The following AVEN variants were observed in gnomAD, a reference collection of about 807,000 sequenced individuals.
AVEN encodes cell death regulator Aven.
AVEN carries 41 observed loss-of-function variants against 38.1 expected under a neutral mutation model. The observed-to-expected ratio is 1.08, with a 90% CI of 0.84 to 1.40. AVEN has a LOEUF of 1.40. Among genes scored for constraint, AVEN ranks in the 40% most tolerant of loss-of-function variants. The probability of loss-of-function intolerance (pLI) is 0.00; values close to 1 mark genes in which losing one functional copy is unlikely to be tolerated. For missense variants in AVEN, 605 were observed against 438.8 expected, an observed-to-expected ratio of 1.38 and a Z score of -3.38; for synonymous variants, 206 against 171.8, an observed-to-expected ratio of 1.20 and a Z score of -1.56.
At chr15:33,896,103 G>A (rs1024765520) in intron 2 of AVEN, among the ~76,000 whole-genome samples, 9 of 152,130 alleles carry the variant, frequency 5.9e-5, no homozygotes, top group Admixed American at 5.9e-4. Flanking sequence ...CTGTTTCCAA[G>A]TAACTTAATT....
downstream of AVEN, among the ~76,000 whole-genome samples, chr15:33,861,918 C>T (rs776069016): frequency 6.6e-6 from 1 of 152,076 alleles, no homozygotes; most frequent in Non-Finnish European, 1.5e-5. Context: ...CCACTGTGCC[C>T]AGCCTCATAC....
rs563528137 is a variant in AVEN, at chr15:33,953,004, G to A, written c.445+50028C>T. 3.3e-5 allele frequency among the ~76,000 whole-genome samples: 5 copies of A among 152,142 alleles called. No individual in the cohort carries two copies. The East Asian group carries it at 9.6e-4, about 29-fold the overall frequency. On this transcript the variant is annotated intron_variant, in intron 2 of 5. Transcript: ENST00000306730. ...ATTCTTATACACCAATAACAGACAAGAGAGCCAAATCATGAGTGAACTCCC... is the reference window on the plus strand; with the variant it reads ...ATTCTTATACACCAATAACAGACAAAAGAGCCAAATCATGAGTGAACTCCC...
In AVEN at chr15:33,860,291, A is replaced by G. The variant is rs2080201590; in HGVS notation, n.2730-1197T>C. Among the ~76,000 whole-genome samples the G allele has an allele frequency of 2.6e-5, 4 of 152,142 alleles. No individual in the cohort carries two copies. In the South Asian group the frequency reaches 8.3e-4, roughly 32 times the overall value. On this transcript the variant is annotated intron_variant and non_coding_transcript_variant, in intron 11 of 11. Coordinates refer to the AVEN transcript ENST00000675287. ...GCTAGGAGAAGAGGGAGAGCCTATC[A>G]CACAGACTGAACACAAATAGCTAAG... is the stretch of plus-strand genomic sequence containing the variant.
chr15:33,870,491 A>C (rs1890897616), intron 4 of AVEN, among the ~76,000 whole-genome samples: 1 of 152,110 alleles, frequency 6.6e-6, no homozygotes, highest in Admixed American at 6.5e-5. Flanking sequence ...AAACTGATTT[A>C]CTCTAAAAGC....
intron 2 of AVEN, among the ~76,000 whole-genome samples, chr15:33,886,672 A>T (rs1191446655): frequency 6.6e-6 from 1 of 152,158 alleles, no homozygotes; most frequent in South Asian, 2.1e-4. Context: ...TTCCACCATG[A>T]CTGTAAGTTT....
intron 2 of AVEN, chr15:33,885,521 C>T (rs1046558184): frequency 1.3e-5 from 2 of 152,138 alleles, no homozygotes; most frequent in Admixed American, 6.5e-5. Flanking sequence ...CAAGTCACTA[C>T]GGTGATTATT....
chr15:33,904,694 A>AAAAAAT lies in AVEN; in HGVS notation c.446-28700_446-28699insATTTTT, dbSNP rs1464894437. ...GAGACTGTTTCTTTAAAAAAAAAAA[A>AAAAAAT]ATATATATATATATATATATATACA... On this transcript the variant is annotated intron_variant, in intron 2 of 5. Transcript: ENST00000306730. 1.2e-4 allele frequency among the ~76,000 whole-genome samples: 13 copies of AAAAAAT among 112,760 alleles called. No individual in the cohort carries two copies. The South Asian group carries it at 1.7e-3, about 15-fold the overall frequency. 74.0% of individuals were successfully genotyped at this position (112,760 alleles called of 152,430 possible). A position where few individuals can be genotyped will look rare whatever the true frequency, so the allele number is the denominator to read the frequency against.
rs560594619 is a variant in AVEN, at chr15:33,905,660, C to CA, written c.446-29666dup. ...GAAACATGGCGAAACCCCTTCTCTA[C>CA]AAAAAATACAAAAAATTAGCCAGGA... On this transcript the variant is annotated intron_variant, in intron 2 of 5. Coordinates refer to ENST00000306730, the MANE Select transcript of AVEN (RefSeq NM_020371.3). Among the ~76,000 whole-genome samples the CA allele has an allele frequency of 5.3e-3, 807 of 152,122 alleles. 6 individuals are homozygous for CA. The highest frequency in any genetic ancestry group is 0.019 in the African/African-American group (782 of 41,496).
chr15:33,890,554 T>C (rs879564892), intron 2 of AVEN, among the ~76,000 whole-genome samples: 3 of 152,014 alleles, frequency 2.0e-5, no homozygotes, highest in Non-Finnish European at 2.9e-5. Flanking sequence ...GCCAAAAGTA[T>C]AGGGCAAAAA....
In AVEN at chr15:33,895,979, A is replaced by T. The variant is rs149535862; in HGVS notation, c.446-19984T>A. Among the ~76,000 whole-genome samples the T allele has an allele frequency of 2.6e-3, 396 of 152,338 alleles. 2 individuals carry two copies. Among genetic ancestry groups the T allele is most frequent in the South Asian group, 0.016 (75 of 4,828 alleles). On this transcript the variant is annotated intron_variant, in intron 2 of 5. Transcript: ENST00000306730. The stretch of plus-strand genomic sequence containing the variant: ...GCAGTGGGTAGAGAATTCCTGAGGC[A>T]TTGGGTAGAGAATTCAAAAGGGTCT...
At chr15:33,887,294 C>T (rs1370209539) in intron 2 of AVEN, among the ~76,000 whole-genome samples, 1 of 152,110 alleles carries the variant, frequency 6.6e-6, no homozygotes, top group African/African-American at 2.4e-5. Context: ...AGGGATTGTG[C>T]TCACTAAACC....
chr15:33,992,283 G>C (rs1026305773), intron 2 of AVEN, among the ~76,000 whole-genome samples: 7 of 152,134 alleles, frequency 4.6e-5, no homozygotes, highest in African/African-American at 1.7e-4. Flanking sequence ...CCAGCTACTC[G>C]GGAGGCTGAG....
rs182429613 is a variant in AVEN at position 33,961,475 on chromosome 15, G to A, written c.445+41557C>T. Among the ~76,000 whole-genome samples the A allele has an allele frequency of 6.6e-5, 10 of 152,046 alleles. No homozygotes were observed. The East Asian group carries it at 1.9e-3, about 29-fold the overall frequency. The stretch of plus-strand genomic sequence containing the variant: ...AACTAGTTACAAGATCTGCATCCTT[G>A]GGTGAATGCCAACCTCTGAGATGCT... On this transcript the variant is annotated intron_variant, in intron 2 of 5. Coordinates refer to ENST00000306730, the MANE Select transcript of AVEN (RefSeq NM_020371.3).
At chr15:33,910,047 G>A (rs571002648) in intron 2 of AVEN, among the ~76,000 whole-genome samples, 1 of 151,452 alleles carries the variant, frequency 6.6e-6, no homozygotes, top group African/African-American at 2.4e-5. Context: ...AGAATCACTT[G>A]AACCCGGGAG....
Position 33,867,495 on chromosome 15 carries a change from C to T in AVEN, c.973G>A (p.Val325Ile), listed in dbSNP as rs903021846. 1.3e-6 allele frequency: 2 copies of T among 1,564,042 alleles called. No homozygotes were observed. Among genetic ancestry groups the T allele is most frequent in the African/African-American group, 1.4e-5 (1 of 73,046 alleles). The change falls in exon 5 of 6, where the codon GTT (valine) becomes ATT (isoleucine). Residue 325 changes from valine (V) to isoleucine (I), a missense_variant and splice_region_variant. By Grantham distance (29) the Val-to-Ile change is conservative. Transcript: ENST00000306730. ...ACGGGGAATAAAATGAAAGCCATAC[C>T]TTCTTCCTCTTGGACCACCTCCCCA... ...EDGEVVQEEE[V>I]CAKPSVTEEK... is the part of the protein sequence containing the mutation.
chr15:33,999,884 C>T (rs746504020), intron 2 of AVEN, among the ~76,000 whole-genome samples: 25 of 152,250 alleles, frequency 1.6e-4, no homozygotes, highest in African/African-American at 5.3e-4. Context: ...TCAAACCCTC[C>T]GCTGGTTTTT....
At chr15:33,857,728 C>G, downstream of AVEN, 3 of 1,607,420 alleles carry the variant, frequency 1.9e-6, no homozygotes, top group Non-Finnish European at 2.6e-6. Context: ...GTGAACCTTT[C>G]AAGGTAGAGA....
At chr15:33,857,244 CTGGCAGCA>C (rs1332574668), downstream of AVEN, among the ~76,000 whole-genome samples, 2 of 6,504 alleles carry the variant, frequency 3.1e-4, no homozygotes, top group African/African-American at 3.9e-4. Context: ...TATCATGGTG[CTGGCAGCA>C]CCAGCACCTG....
rs746260258 is a variant in AVEN, at chr15:33,867,753, C to T, written c.715G>A (p.Gly239Arg). ...LKGPLGPGGR[G>R]PIFELKSVAA... ...ACAGATTTCAGCTCAAAGATGGGCC[C>T]CCTTCCTCCAGGCCCCAAGGGCCCC... The change falls in exon 5 of 6, where the codon GGG becomes AGG. Residue 239 changes from glycine to arginine, a missense_variant. By Grantham distance (125) the Gly-to-Arg change is moderately radical. Coordinates refer to ENST00000306730, the MANE Select transcript of AVEN (RefSeq NM_020371.3). 4.3e-6 allele frequency: 7 copies of T among 1,614,192 alleles called. No individual in the cohort carries two copies. Among genetic ancestry groups the T allele is most frequent in the Non-Finnish European group, 5.9e-6 (7 of 1,180,038 alleles).
Sources: gnomAD v4.1 joint callset for allele counts (sites outside exome capture counted in the v4.1 genomes callset) on GRCh38, gnomAD v4.1.1 for gene constraint, MANE v1.5 for transcripts, NCBI Gene and HGNC (gene_info 2026-07-23, HGNC 2026-07-21) for gene names.